Variants in RETREG1 observed in about 807,000 individuals in gnomAD.
RETREG1 encodes reticulophagy regulator 1.
In RETREG1, 44 loss-of-function variants were observed where a neutral mutation model predicts 54.8. That is an observed-to-expected ratio of 0.80 (90% CI 0.63 to 1.03). RETREG1 has a LOEUF of 1.03. Ranked by LOEUF, RETREG1 falls within the 50% of genes least tolerant of loss-of-function variation. The pLI, the probability that RETREG1 is intolerant of heterozygous loss-of-function variation, is 0.00. For missense variants in RETREG1, 554 were observed against 605.1 expected (o/e 0.92, Z 0.89); for synonymous variants, 217 against 238.5 (o/e 0.91, Z 0.83).
chr5:16,530,093 C>T (rs1740865747), intron 3 of RETREG1, among the ~76,000 whole-genome samples: 1 of 152,232 alleles, frequency 6.6e-6, no homozygotes, highest in African/African-American at 2.4e-5. Context: ...CCAATAAACG[C>T]CTTGCATGCT....
chr5:16,596,508 T>C (rs1032546961), intron 1 of RETREG1, among the ~76,000 whole-genome samples: 2 of 152,236 alleles, frequency 1.3e-5, no homozygotes, highest in Non-Finnish European at 2.9e-5. Context: ...TAAGCAGTAG[T>C]GACGCTCTCA....
chr5:16,588,380 T>C (rs1460615224), intron 1 of RETREG1, among the ~76,000 whole-genome samples: 2 of 152,208 alleles, frequency 1.3e-5, no homozygotes, highest in African/African-American at 4.8e-5. Flanking sequence ...TGTGACCTCA[T>C]GTAACCTTGA....
At chr5:16,499,248 G>A (rs537767675) in intron 3 of RETREG1, among the ~76,000 whole-genome samples, 21 of 152,122 alleles carry the variant, frequency 1.4e-4, no homozygotes, top group East Asian at 3.9e-4. Flanking sequence ...CTTATGCGGC[G>A]TATGACTGTA....
intron 3 of RETREG1, among the ~76,000 whole-genome samples, chr5:16,553,714 C>G (rs1741609298): frequency 6.6e-6 from 1 of 152,072 alleles, no homozygotes; most frequent in Non-Finnish European, 1.5e-5. Flanking sequence ...GGGGGAGCAA[C>G]TGTATCAGTC....
rs955368008 is a variant in RETREG1, at chr5:16,594,228, C to T, written c.321-22126G>A. 2.0e-5 allele frequency among the ~76,000 whole-genome samples: 3 copies of T among 152,340 alleles called. No individual in the cohort carries two copies. The highest frequency in any genetic ancestry group is 7.2e-5 in the African/African-American group (3 of 41,578). ...TGTACAAGGGTGCTGAACCTTTTGG[C>T]TGTATTCAGTGATACGATTAAGAAT... is the stretch of plus-strand genomic sequence containing the variant. On this transcript the variant is annotated intron_variant, in intron 1 of 8. Coordinates refer to ENST00000306320, the MANE Select transcript of RETREG1 (RefSeq NM_001034850.3). This position sits in a 1 kb window ranked among gnomAD's most constrained non-coding sequence, Gnocchi z 4.4.
At chr5:16,573,481 A>C (rs1742239154) in intron 1 of RETREG1, among the ~76,000 whole-genome samples, 1 of 152,206 alleles carries the variant, frequency 6.6e-6, no homozygotes, top group Non-Finnish European at 1.5e-5. Flanking sequence ...TCATAGAAAA[A>C]TTAATTTAAT....
In RETREG1 at chr5:16,598,156, G is replaced by C. The variant is rs1269372722; in HGVS notation, c.320+18496C>G. 1.7e-4 allele frequency among the ~76,000 whole-genome samples: 26 copies of C among 152,058 alleles called. 1 individual carries two copies. Among genetic ancestry groups the C allele is most frequent in the Admixed American group, 1.7e-3 (26 of 15,262 alleles). ...ACTTTCACACATGCTGCTCCCTTGG[G>C]CTTGGAACAAATCCTTCCCCTGCAC... On this transcript the variant is annotated intron_variant, in intron 1 of 8. Coordinates refer to ENST00000306320, the MANE Select transcript of RETREG1 (RefSeq NM_001034850.3).
rs149050361 is a variant in RETREG1, at chr5:16,491,794, G to A, written c.459-8322C>T. 4.4e-3 allele frequency among the ~76,000 whole-genome samples: 674 copies of A among 152,198 alleles called. 7 individuals carry two copies. Among genetic ancestry groups the A allele is most frequent in the African/African-American group, 0.015 (621 of 41,520 alleles). On this transcript the variant is annotated intron_variant, in intron 3 of 8. Transcript: ENST00000306320. ...TCCCAGCACTTTGGGAGACAAAGGC[G>A]GGAGTATCCCTTGATCCCCAGAGTT...
intron 3 of RETREG1, among the ~76,000 whole-genome samples, chr5:16,525,519 G>A (rs191114277): frequency 4.2e-4 from 64 of 152,304 alleles, no homozygotes; most frequent in Non-Finnish European, 4.4e-5. Flanking sequence ...CACCAGCAAG[G>A]CTCCTCTTGA....
intron 1 of RETREG1, 104 bp downstream of exon 1, chr5:16,616,548 C>T: frequency 6.7e-7 from 1 of 1,500,674 alleles, no homozygotes. Flanking sequence ...ACAATTCTTC[C>T]TCCGCAGTGT....
chr5:16,505,227 A>C (rs1172622568), intron 3 of RETREG1, among the ~76,000 whole-genome samples: 1 of 152,134 alleles, frequency 6.6e-6, no homozygotes, highest in Non-Finnish European at 1.5e-5. Context: ...CTTTGCAGAC[A>C]AACTTTTCAG....
rs115441510 is a variant in RETREG1, at chr5:16,608,175, C to T, written c.320+8477G>A. On this transcript the variant is annotated intron_variant, in intron 1 of 8. Coordinates refer to ENST00000306320, the MANE Select transcript of RETREG1 (RefSeq NM_001034850.3). ...GATTACAATTGTGAGCCACCGTGCCCGGCCCACTCTCACTGTCTTTAAATA... is the reference window on the plus strand; with the variant it reads ...GATTACAATTGTGAGCCACCGTGCCTGGCCCACTCTCACTGTCTTTAAATA... Among the ~76,000 whole-genome samples, 1,302 of 152,220 alleles carry T rather than the reference C, an allele frequency of 8.6e-3. 10 individuals are homozygous for T. Among genetic ancestry groups the T allele is most frequent in the Middle Eastern group, 0.024 (7 of 294 alleles).
rs780380167 is a variant in RETREG1 at position 16,616,748 on chromosome 5, G to T, written c.224C>A (p.Pro75Gln). Reference protein sequence around the residue: ...AAAVTWLLGEPVLWLGCRADE... With the variant: ...AAAVTWLLGEQVLWLGCRADE... ...GGCGCGGCAGCCCAGCCACAGCACC[G>T]GCTCCCCGAGCAGCCAGGTTACCGC... Residue 75 changes from proline (P) to glutamine (Q), a missense_variant, in exon 1 of 9, where the codon CCG becomes CAG. This residue lies in a region of RETREG1 where 175 missense variants were observed against 142.1 expected (regional missense o/e 1.23). Coordinates refer to ENST00000306320, the MANE Select transcript of RETREG1 (RefSeq NM_001034850.3). 1.3e-6 allele frequency: 2 copies of T among 1,571,274 alleles called. No individual in the cohort carries two copies. Among genetic ancestry groups the T allele is most frequent in the East Asian group, 2.3e-5 (1 of 42,906 alleles).
intron 3 of RETREG1, among the ~76,000 whole-genome samples, chr5:16,518,431 G>A (rs1335498762): frequency 6.6e-6 from 1 of 151,618 alleles, no homozygotes; most frequent in Non-Finnish European, 1.5e-5. Context: ...AGTGTTCAAG[G>A]ACCTACACTA....
chr5:16,516,805 A>G (rs1740371536), intron 3 of RETREG1, among the ~76,000 whole-genome samples: 1 of 152,196 alleles, frequency 6.6e-6, no homozygotes, highest in African/African-American at 2.4e-5. Flanking sequence ...ATTAATTCCA[A>G]AAAGATCATA....
At position 16,473,313 on chromosome 5, in the gene RETREG1, C is replaced by A. The variant is rs538833523; in HGVS notation, c.*1428G>T. On this transcript the variant is annotated 3_prime_UTR_variant, in exon 9 of 9. Coordinates refer to ENST00000306320, the MANE Select transcript of RETREG1 (RefSeq NM_001034850.3). ...TCTTCAGTAACTCTTCTCCCTTTAA[C>A]ATTTGGCAAAACTCAGTCCAGATAT... The A allele has an allele frequency of 6.6e-6, 1 of 152,644 alleles. No individual in the cohort carries two copies. Among genetic ancestry groups the A allele is most frequent in the Admixed American group, 6.5e-5 (1 of 15,294 alleles). The allele number at this position is 152,644 out of a possible 1,614,324, so 9.5% of individuals were successfully genotyped here.
chr5:16,577,084 C>T (rs1742344974), intron 1 of RETREG1, among the ~76,000 whole-genome samples: 1 of 151,990 alleles, frequency 6.6e-6, no homozygotes, highest in Admixed American at 6.6e-5. Flanking sequence ...CTGAGAAAGT[C>T]ATCTGCTGAA....
Position 16,474,671 on chromosome 5 carries a change from T to G in RETREG1, c.*70A>C. The G allele has an allele frequency of 8.6e-7, 1 of 1,160,532 alleles. No individual in the cohort carries two copies. The highest frequency in any genetic ancestry group is 1.2e-6 in the Non-Finnish European group (1 of 866,968). 71.9% of individuals were successfully genotyped at this position (1,160,532 alleles called of 1,614,324 possible). On this transcript the variant is annotated 3_prime_UTR_variant, in exon 9 of 9. Coordinates refer to ENST00000306320, the MANE Select transcript of RETREG1 (RefSeq NM_001034850.3). ...TACAGTTCAATTTTTTTCTTTTCCTTTTTTTTTTTTTTTTCTTGTTTGAAA... is the reference window on the plus strand; with the variant it reads ...TACAGTTCAATTTTTTTCTTTTCCTGTTTTTTTTTTTTTTCTTGTTTGAAA...
At chr5:16,529,136 A>G (rs1448678769) in intron 3 of RETREG1, among the ~76,000 whole-genome samples, 1 of 152,228 alleles carries the variant, frequency 6.6e-6, no homozygotes, top group East Asian at 1.9e-4. Flanking sequence ...AAACCTACAA[A>G]TAAAAAATAA....
Sources: allele counts gnomAD v4.1 joint callset (sites outside exome capture counted in the v4.1 genomes callset), GRCh38; gene constraint gnomAD v4.1.1; regional missense constraint gnomAD v4.1.1; non-coding constraint Gnocchi (gnomAD v3.1); transcripts MANE v1.5; gene names NCBI Gene and HGNC (gene_info 2026-07-23, HGNC 2026-07-21).